The following ZNF254 variants were observed in gnomAD, a reference collection of about 807,000 sequenced individuals.
The protein encoded by ZNF254 is zinc finger protein 254.
Under a neutral mutation model 12.4 loss-of-function variants are expected in ZNF254, and 10 were observed. The observed-to-expected ratio is 0.80, with a 90% CI of 0.50 to 1.36. The LOEUF (loss-of-function observed/expected upper bound fraction) is 1.36. Ranked by LOEUF, ZNF254 falls within the 40% of genes most tolerant of loss-of-function variation. The probability of loss-of-function intolerance (pLI) is 0.00; values close to 1 mark genes in which losing one functional copy is unlikely to be tolerated. For missense variants in ZNF254, 996 were observed against 763.9 expected (o/e 1.30, Z -3.58); for synonymous variants, 305 against 253.4 (o/e 1.20, Z -1.93).
intron 2 of ZNF254, among the ~76,000 whole-genome samples, chr19:24,049,888 A>G (rs549532248): frequency 6.6e-6 from 1 of 152,000 alleles, no homozygotes; most frequent in African/African-American, 2.4e-5. Context: ...AAGGATTGTG[A>G]TGTATCACAG....
Position 24,098,174 on chromosome 19 carries a change from C to G in ZNF254, c.31-7766C>G, listed in dbSNP as rs1972783165. Reference sequence around the variant, plus strand: ...ATACTTACATATTTATGTCTAATATCCAAAGAAAATTTACTACCAAATTGT... The same window carrying G: ...ATACTTACATATTTATGTCTAATATGCAAAGAAAATTTACTACCAAATTGT... On this transcript the variant is annotated intron_variant, in intron 1 of 3. Coordinates refer to ENST00000357002, the MANE Select transcript of ZNF254 (RefSeq NM_203282.4). Among the ~76,000 whole-genome samples, 2 of 152,024 alleles carry G rather than the reference C, an allele frequency of 1.3e-5. 1 individual carries two copies. The highest frequency in any genetic ancestry group is 4.1e-4 in the South Asian group (2 of 4,826).
In ZNF254 at chr19:24,087,348, C is replaced by T. The variant is rs1264117814; in HGVS notation, c.30+11C>T. 6.2e-7 allele frequency: 1 copy of T among 1,613,532 alleles called. No individual in the cohort carries two copies. The highest frequency in any genetic ancestry group is 1.1e-5 in the South Asian group (1 of 91,062). On this transcript the variant is annotated intron_variant, in intron 1 of 3. Transcript: ENST00000357002. The stretch of plus-strand genomic sequence containing the variant: ...AGAAGCCTAGAAATGGTGAGAATGC[C>T]AGTCCGACATCCCGAGAGAGGGGAG...
At chr19:24,081,407 CAG>C (rs1469383763) in intron 2 of ZNF254, among the ~76,000 whole-genome samples, 2 of 152,170 alleles carry the variant, frequency 1.3e-5, no homozygotes, top group African/African-American at 2.4e-5. Flanking sequence ...CAGTGGATGA[CAG>C]GGGACACTTA....
At chr19:24,116,846 C>T (rs7257401) in intron 3 of ZNF254, among the ~76,000 whole-genome samples, 23,421 of 151,928 alleles carry the variant, frequency 0.15, 1,910 homozygotes, top group African/African-American at 0.17. Flanking sequence ...TGGTCTTTGA[C>T]GATGGTGATG....
At chr19:24,061,532 T>G (rs1971066040) in intron 2 of ZNF254, among the ~76,000 whole-genome samples, 1 of 152,104 alleles carries the variant, frequency 6.6e-6, no homozygotes, top group Non-Finnish European at 1.5e-5. Flanking sequence ...GTGCATAACT[T>G]TCAGGAGAAA....
At chr19:24,111,393 A>G (rs1036690242) in intron 3 of ZNF254, among the ~76,000 whole-genome samples, 3 of 152,124 alleles carry the variant, frequency 2.0e-5, no homozygotes, top group African/African-American at 7.2e-5. Flanking sequence ...TGCTATTGTG[A>G]ATACTGCCAC....
At chr19:24,039,042 A>G (rs751095121) in intron 1 of ZNF254, among the ~76,000 whole-genome samples, 6 of 152,110 alleles carry the variant, frequency 3.9e-5, no homozygotes, top group African/African-American at 1.2e-4. Flanking sequence ...TGCAGTTCCA[A>G]ATTTTGAGTC....
intron 2 of ZNF254, among the ~76,000 whole-genome samples, chr19:24,067,814 C>T (rs1407920810): frequency 1.3e-5 from 2 of 151,974 alleles, no homozygotes; most frequent in African/African-American, 4.8e-5. Context: ...TGCATTGTGA[C>T]GTGTAGCTGG....
intron 3 of ZNF254, among the ~76,000 whole-genome samples, chr19:24,115,499 GAA>G (rs1973989960): frequency 6.7e-6 from 1 of 148,800 alleles, no homozygotes; most frequent in African/African-American, 2.5e-5. Flanking sequence ...ACAGGAAGGG[GAA>G]AATCACACTC....
chr19:24,074,225 T>G (rs1247656629), intron 2 of ZNF254, among the ~76,000 whole-genome samples: 2 of 146,094 alleles, frequency 1.4e-5, no homozygotes, highest in African/African-American at 2.4e-5. Flanking sequence ...GTAATGTGAC[T>G]CTCTTATTCT....
chr19:24,048,003 C>CTTCTTTTT (rs1970467576), intron 2 of ZNF254, among the ~76,000 whole-genome samples: 16 of 68,820 alleles, frequency 2.3e-4, no homozygotes, highest in Non-Finnish European at 3.0e-4. Flanking sequence ...TTCTTTTCTT[C>CTTCTTTTT]TTTTTTTTTT....
At chr19:24,101,078 C>T (rs971553512) in intron 1 of ZNF254, among the ~76,000 whole-genome samples, 6 of 152,174 alleles carry the variant, frequency 3.9e-5, no homozygotes, top group Admixed American at 1.3e-4. Context: ...CCTTCGACCT[C>T]AGGGGATCCG....
At chr19:24,043,411 G>A (rs1970253571) in intron 1 of ZNF254, among the ~76,000 whole-genome samples, 1 of 152,042 alleles carries the variant, frequency 6.6e-6, no homozygotes, top group Non-Finnish European at 1.5e-5. Flanking sequence ...ACAGGTGCAT[G>A]CCACCATGCC....
At chr19:24,038,318 A>T (rs918749987) in intron 1 of ZNF254, among the ~76,000 whole-genome samples, 5 of 152,336 alleles carry the variant, frequency 3.3e-5, no homozygotes, top group African/African-American at 1.2e-4. Context: ...ATAGCCAATT[A>T]GCAACCAAAG....
At chr19:24,077,999 A>G (rs933693131) in intron 2 of ZNF254, among the ~76,000 whole-genome samples, 1 of 152,008 alleles carries the variant, frequency 6.6e-6, no homozygotes, top group Admixed American at 6.6e-5. Context: ...AAGCCCAGAG[A>G]GATGAGACTG....
intron 3 of ZNF254, among the ~76,000 whole-genome samples, chr19:24,116,465 C>A (rs1208526544): frequency 6.6e-6 from 1 of 152,212 alleles, no homozygotes; most frequent in Non-Finnish European, 1.5e-5. Context: ...GTCACTGATA[C>A]CCTTTCTTCC....
intron 2 of ZNF254, among the ~76,000 whole-genome samples, chr19:24,049,208 A>T (rs1464240674): frequency 0.032 from 1,495 of 47,422 alleles, 55 homozygotes; most frequent in African/African-American, 0.072. Context: ...ATATATATAT[A>T]TATATATTTT....
At chr19:24,082,389 GT>G (rs1971874511), upstream of ZNF254, among the ~76,000 whole-genome samples, 2 of 140,188 alleles carry the variant, frequency 1.4e-5, no homozygotes, top group Non-Finnish European at 1.5e-5. Flanking sequence ...GGTCATGCCT[GT>G]AATCCCAGCA....
chr19:24,055,232 A>AAAAAAAAAAAAAG lies in ZNF254; in HGVS notation c.-94+8953_-94+8954insAAAAAAAAAAAAG, dbSNP rs1555753129. On this transcript the variant is annotated intron_variant, in intron 2 of 4. Transcript: ENST00000613065. ...AAAAAAAAAAAAAAAAAAAAAAAAA[A>AAAAAAAAAAAAAG]GAGTGTACTAACAAGACCCAGCACA... 2.9e-3 allele frequency among the ~76,000 whole-genome samples: 357 copies of AAAAAAAAAAAAAG among 122,620 alleles called. 26 individuals carry two copies. Among genetic ancestry groups the AAAAAAAAAAAAAG allele is most frequent in the Middle Eastern group, 5.6e-3 (1 of 178 alleles). 80.4% of individuals were successfully genotyped at this position (122,620 alleles called of 152,430 possible). A position where few individuals can be genotyped will look rare whatever the true frequency, so the allele number is the denominator to read the frequency against.
Sources: allele counts gnomAD v4.1 joint callset (sites outside exome capture counted in the v4.1 genomes callset), GRCh38; gene constraint gnomAD v4.1.1; transcripts MANE v1.5; gene names NCBI Gene and HGNC (gene_info 2026-07-23, HGNC 2026-07-21).